AKAP10: variants seen among roughly 807,000 people sequenced by gnomAD.
The protein encoded by AKAP10 is A-kinase anchoring protein 10, also known as A-kinase anchor protein 10, mitochondrial.
AKAP10 carries 24 observed loss-of-function variants against 80.8 expected under a neutral mutation model. That is an observed-to-expected ratio of 0.30 (90% CI 0.22 to 0.42). The LOEUF is 0.42. AKAP10 is among the 10% of genes least tolerant of loss of function. The probability of loss-of-function intolerance (pLI) is 1.00; values close to 1 mark genes in which losing one functional copy is unlikely to be tolerated. For missense variants in AKAP10, 661 were observed against 794.9 expected (o/e 0.83, Z 2.03); for synonymous variants, 291 against 277.7 (o/e 1.05, Z -0.48).
chr17:19,938,214 A>G (rs189586433), intron 8 of AKAP10, among the ~76,000 whole-genome samples: 326 of 147,918 alleles, frequency 2.2e-3, no homozygotes, highest in African/African-American at 7.7e-3. Context: ...GGTGTGAGCC[A>G]CCGGTACCCA....
intron 14 of AKAP10, among the ~76,000 whole-genome samples, chr17:19,908,266 T>C (rs2042652552): frequency 6.6e-6 from 1 of 152,200 alleles, no homozygotes; most frequent in Admixed American, 6.5e-5. Flanking sequence ...TGTTAGGTAA[T>C]TTGACCCTTT....
At chr17:19,940,838 T>G (rs2043044196) in intron 7 of AKAP10, 49 bp downstream of exon 7, 2 of 1,531,066 alleles carry the variant, frequency 1.3e-6, no homozygotes, top group South Asian at 2.6e-5. Flanking sequence ...CATTGATAGT[T>G]AGAGGCTGGA....
chr17:19,977,049 A>T, intron 1 of AKAP10, among the ~76,000 whole-genome samples: 1 of 152,190 alleles, frequency 6.6e-6, no homozygotes. Flanking sequence ...CAAACTTGCC[A>T]AAGTCATCAA....
intron 2 of AKAP10, chr17:19,968,067 G>A (rs567139677): frequency 1.0e-4 from 18 of 180,686 alleles, no homozygotes; most frequent in Non-Finnish European, 2.0e-4. Context: ...CAGGCGTGGC[G>A]CCGTGCACCT....
At chr17:19,925,582 A>C (rs1195527985) in intron 10 of AKAP10, among the ~76,000 whole-genome samples, 1 of 152,228 alleles carries the variant, frequency 6.6e-6, no homozygotes, top group African/African-American at 2.4e-5. Flanking sequence ...AAAATGACTT[A>C]TATACAAGAT....
chr17:19,912,392 C>T (rs1384768967), intron 12 of AKAP10, among the ~76,000 whole-genome samples: 1 of 152,170 alleles, frequency 6.6e-6, no homozygotes, highest in African/African-American at 2.4e-5. Context: ...CAAAAATGAA[C>T]TAGGGATGGT....
At chr17:19,915,462 A>G (rs928020020) in intron 12 of AKAP10, among the ~76,000 whole-genome samples, 5 of 152,236 alleles carry the variant, frequency 3.3e-5, no homozygotes, top group African/African-American at 1.2e-4. Context: ...TGCCTGGCAC[A>G]TAGTAATCAC....
chr17:19,964,977 T>C (rs570558140), intron 2 of AKAP10, among the ~76,000 whole-genome samples: 7 of 152,320 alleles, frequency 4.6e-5, no homozygotes, highest in African/African-American at 1.7e-4. Flanking sequence ...CATGGACTGT[T>C]TGCAACAGCT....
rs2042893860 is a variant in AKAP10, at chr17:19,928,101, TG to T, written c.1642-3585del. On this transcript the variant is annotated intron_variant, in intron 10 of 14. Coordinates refer to ENST00000225737, the MANE Select transcript of AKAP10 (RefSeq NM_007202.4). The stretch of plus-strand genomic sequence containing the variant: ...CCGGCATGCTGGCAGGTGCCTGAAA[TG>T]TAATCCCAGCTACTCGGGAGGCTGA... Among the ~76,000 whole-genome samples the T allele has an allele frequency of 2.0e-5, 3 of 151,848 alleles. No homozygotes were observed. The South Asian group carries it at 6.2e-4, about 32-fold the overall frequency.
At chr17:19,910,325 CAAAA>C (rs3031068) in intron 12 of AKAP10, among the ~76,000 whole-genome samples, 2 of 90,666 alleles carry the variant, frequency 2.2e-5, no homozygotes, top group Non-Finnish European at 2.2e-5. Context: ...GACTCCAACT[CAAAA>C]AAAAAAAAAA....
intron 2 of AKAP10, 69 bp from the exon 3 acceptor site, chr17:19,963,091 T>C (rs1348084201): frequency 1.5e-6 from 2 of 1,320,986 alleles, no homozygotes; most frequent in Admixed American, 2.4e-5. Flanking sequence ...ATAAAGGGGC[T>C]TTCAGAGAAC....
intron 12 of AKAP10, among the ~76,000 whole-genome samples, chr17:19,913,039 G>GC (rs1413499187): frequency 1.3e-5 from 2 of 150,792 alleles, no homozygotes; most frequent in African/African-American, 4.9e-5. Flanking sequence ...ATGTAGTGGT[G>GC]CATTATCAGC....
chr17:19,921,216 G>A (rs1043811875), intron 11 of AKAP10, among the ~76,000 whole-genome samples: 3 of 151,062 alleles, frequency 2.0e-5, no homozygotes, highest in African/African-American at 7.3e-5. Context: ...TTGCTAGGCT[G>A]GAGTGCAGTG....
At chr17:19,955,120 G>A (rs2043259292) in intron 4 of AKAP10, among the ~76,000 whole-genome samples, 2 of 151,996 alleles carry the variant, frequency 1.3e-5, no homozygotes, top group East Asian at 3.9e-4. Flanking sequence ...TACTAGGGAG[G>A]CTAAGGCAGG....
chr17:19,965,728 A>T (rs1316228031), intron 2 of AKAP10, among the ~76,000 whole-genome samples: 2 of 152,194 alleles, frequency 1.3e-5, no homozygotes, highest in Non-Finnish European at 1.5e-5. Context: ...AATTCCTCTG[A>T]ATTCCTTGCA....
At chr17:19,910,944 GCTTA>G (rs2042683555) in intron 12 of AKAP10, among the ~76,000 whole-genome samples, 1 of 152,114 alleles carries the variant, frequency 6.6e-6, no homozygotes, top group Non-Finnish European at 1.5e-5. Flanking sequence ...GAAATACACA[GCTTA>G]CTTTTTTATT....
intron 11 of AKAP10, among the ~76,000 whole-genome samples, chr17:19,923,239 G>A (rs1297500274): frequency 1.3e-5 from 2 of 151,834 alleles, no homozygotes; most frequent in African/African-American, 2.4e-5. Context: ...CACCACGCCC[G>A]GCTAACTTTT....
In AKAP10 at chr17:19,950,997, C is replaced by T. The variant is rs530488034; in HGVS notation, c.878-3492G>A. 2.7e-3 allele frequency among the ~76,000 whole-genome samples: 406 copies of T among 150,832 alleles called. 1 individual carries two copies. Among genetic ancestry groups the T allele is most frequent in the African/African-American group, 9.2e-3 (379 of 41,108 alleles). ...GAACTGAGGAGTGTCTCTGCCCGAC[C>T]GCCACCCCATCTGGGAGGTGAGGAG... On this transcript the variant is annotated intron_variant, in intron 4 of 14. Transcript: ENST00000225737.
At chr17:19,942,000 G>A (rs1169674771) in intron 5 of AKAP10, 90 bp from the exon 6 acceptor site, 14 of 991,220 alleles carry the variant, frequency 1.4e-5, no homozygotes, top group Admixed American at 3.0e-5. Context: ...AACAGCACAG[G>A]CATATAAATT....
Sources: gnomAD v4.1 joint callset for allele counts (sites outside exome capture counted in the v4.1 genomes callset) on GRCh38, gnomAD v4.1.1 for gene constraint, MANE v1.5 for transcripts, NCBI Gene and HGNC (gene_info 2026-07-23, HGNC 2026-07-21) for gene names.